PDE3A: variants seen among roughly 807,000 people sequenced by gnomAD.
PDE3A encodes phosphodiesterase 3A, also known as cGMP-inhibited 3',5'-cyclic phosphodiesterase 3A.
A neutral mutation model predicts 98.3 loss-of-function variants in PDE3A; 43 were observed. That is an observed-to-expected ratio of 0.44 (90% CI 0.34 to 0.56). The LOEUF (loss-of-function observed/expected upper bound fraction) is 0.56. Ranked by LOEUF, PDE3A falls within the 20% of genes least tolerant of loss-of-function variation. The pLI, the probability that PDE3A is intolerant of heterozygous loss-of-function variation, is 0.01. For synonymous variants in PDE3A, 663 were observed against 567.9 expected (o/e 1.17, Z -2.38); for missense variants, 1,427 against 1,440.7 (o/e 0.99, Z 0.15).
intron 5 of PDE3A, among the ~76,000 whole-genome samples, chr12:20,622,306 CTT>C (rs1944157083): frequency 6.6e-6 from 1 of 152,066 alleles, no homozygotes; most frequent in South Asian, 2.1e-4. Context: ...TCCTTCACTT[CTT>C]ACTCCATGCC....
chr12:20,386,005 TAAATATATATA>T (rs1487460876), intron 1 of PDE3A, among the ~76,000 whole-genome samples: 1 of 101,824 alleles, frequency 9.8e-6, no homozygotes, highest in African/African-American at 4.1e-5. Context: ...AATATATATA[TAAATATATATA>T]AAATATATAT....
At chr12:20,594,619 C>T (rs567974659) in intron 2 of PDE3A, among the ~76,000 whole-genome samples, 17 of 151,486 alleles carry the variant, frequency 1.1e-4, no homozygotes, top group African/African-American at 3.9e-4. Flanking sequence ...CTTTAAGAAG[C>T]TTACAGAATC....
chr12:20,635,458 T>C (rs11045353), intron 8 of PDE3A, among the ~76,000 whole-genome samples: 11,257 of 151,946 alleles, frequency 0.074, 563 homozygotes, highest in Middle Eastern at 0.21. Flanking sequence ...CGCACCTGTA[T>C]TCCCAGCTAC....
chr12:20,560,272 G>T (rs535275226), intron 2 of PDE3A, among the ~76,000 whole-genome samples: 1 of 152,090 alleles, frequency 6.6e-6, no homozygotes, highest in Non-Finnish European at 1.5e-5. Context: ...CAGAATAAAA[G>T]TCTGATTTTT....
chr12:20,567,475 A>C (rs1006029351), intron 2 of PDE3A, among the ~76,000 whole-genome samples: 1 of 152,036 alleles, frequency 6.6e-6, no homozygotes, highest in Non-Finnish European at 1.5e-5. Flanking sequence ...ACAGCATATT[A>C]TTACTTTGAC....
intron 1 of PDE3A, among the ~76,000 whole-genome samples, chr12:20,531,485 G>T (rs1349642177): frequency 6.6e-6 from 1 of 151,960 alleles, no homozygotes; most frequent in East Asian, 1.9e-4. Flanking sequence ...AGATAAGAAG[G>T]TACTCCTCTT....
chr12:20,375,467 C>T (rs1943553658), intron 1 of PDE3A, among the ~76,000 whole-genome samples: 1 of 151,848 alleles, frequency 6.6e-6, no homozygotes, highest in Admixed American at 6.6e-5. Context: ...AAAAGTCTAA[C>T]AGATGTGCCT....
intron 1 of PDE3A, among the ~76,000 whole-genome samples, chr12:20,500,051 G>A (rs1170359428): frequency 6.6e-6 from 1 of 152,128 alleles, no homozygotes; most frequent in Non-Finnish European, 1.5e-5. Flanking sequence ...CTTCACTGCC[G>A]AAGAAGCAAG....
intron 1 of PDE3A, among the ~76,000 whole-genome samples, chr12:20,400,658 T>A (rs934857710): frequency 6.6e-6 from 1 of 152,130 alleles, no homozygotes; most frequent in Non-Finnish European, 1.5e-5. Flanking sequence ...GACCTCGTGA[T>A]CCGCCCGCCT....
At chr12:20,668,754 CAG>C (rs1565470829) in intron 15 of PDE3A, among the ~76,000 whole-genome samples, 1 of 151,334 alleles carries the variant, frequency 6.6e-6, no homozygotes, top group African/African-American at 2.4e-5. Flanking sequence ...GGGGAAAAAA[CAG>C]AACAGAAAAA....
chr12:20,629,036 C>T (rs976220449), intron 5 of PDE3A, among the ~76,000 whole-genome samples: 1 of 152,172 alleles, frequency 6.6e-6, no homozygotes, highest in Non-Finnish European at 1.5e-5. Flanking sequence ...TTACATTGTT[C>T]AGCCATAAAA....
At chr12:20,594,936 T>C (rs1207766635) in intron 2 of PDE3A, among the ~76,000 whole-genome samples, 1 of 152,084 alleles carries the variant, frequency 6.6e-6, no homozygotes, top group Non-Finnish European at 1.5e-5. Context: ...CATTATAAAA[T>C]TTTATTATTA....
chr12:20,610,774 T>G (rs1943829078), intron 2 of PDE3A, among the ~76,000 whole-genome samples: 1 of 151,860 alleles, frequency 6.6e-6, no homozygotes, highest in Admixed American at 6.6e-5. Context: ...CTGAGTAAAA[T>G]AAGCCAGACA....
intron 1 of PDE3A, among the ~76,000 whole-genome samples, chr12:20,512,003 C>T (rs1449703218): frequency 6.6e-6 from 1 of 151,910 alleles, no homozygotes; most frequent in African/African-American, 2.4e-5. Flanking sequence ...ACACGACTAG[C>T]ATTAAAAATG....
rs1453571014 is a variant in PDE3A, at chr12:20,685,462, G to A, written c.*5191G>A. Among the ~76,000 whole-genome samples the A allele has an allele frequency of 2.2e-5, 3 of 137,088 alleles. No homozygotes were observed. The highest frequency in any genetic ancestry group is 7.3e-5 in the Admixed American group (1 of 13,726). 89.9% of individuals were successfully genotyped at this position (137,088 alleles called of 152,430 possible). On this transcript the variant is annotated 3_prime_UTR_variant, in exon 16 of 16. Coordinates refer to ENST00000359062, the MANE Select transcript of PDE3A (RefSeq NM_000921.5). ...ATTTTTTGGCAAAATATGAAGACAC[G>A]AAACTGAAGATAAAGGCTTCATTTC...
chr12:20,644,180 C>A (rs1467200208), intron 10 of PDE3A, among the ~76,000 whole-genome samples: 1 of 152,172 alleles, frequency 6.6e-6, no homozygotes, highest in East Asian at 1.9e-4. Context: ...CATTTTCCTA[C>A]CATAACAGGT....
chr12:20,640,394 C>A (rs916434095), intron 10 of PDE3A, among the ~76,000 whole-genome samples: 1 of 152,020 alleles, frequency 6.6e-6, no homozygotes, highest in Non-Finnish European at 1.5e-5. Flanking sequence ...GTAAATTCAA[C>A]TTTTGTTGTG....
chr12:20,438,698 A>G (rs528673287), intron 1 of PDE3A, among the ~76,000 whole-genome samples: 2 of 152,084 alleles, frequency 1.3e-5, no homozygotes, highest in East Asian at 1.9e-4. Context: ...TTCTAGTCCA[A>G]TAATCACTTT....
At position 20,559,430 on chromosome 12, in the gene PDE3A, G is replaced by C. The variant is rs1373710880; in HGVS notation, c.1011+2720G>C. Among the ~76,000 whole-genome samples, 4 of 151,514 alleles carry C rather than the reference G, an allele frequency of 2.6e-5. No individual in the cohort carries two copies. The East Asian group carries it at 5.8e-4, about 22-fold the overall frequency. The stretch of plus-strand genomic sequence containing the variant: ...AGGCAGGCAGATCACCAGAGGTCAG[G>C]AGTTTGAGACCAGCCTGTCCAACAT... On this transcript the variant is annotated intron_variant, in intron 2 of 15. Coordinates refer to ENST00000359062, the MANE Select transcript of PDE3A (RefSeq NM_000921.5).
Sources: gnomAD v4.1 joint callset for allele counts (sites outside exome capture counted in the v4.1 genomes callset) on GRCh38, gnomAD v4.1.1 for gene constraint, MANE v1.5 for transcripts, NCBI Gene and HGNC (gene_info 2026-07-23, HGNC 2026-07-21) for gene names.